The following NAA11 variants were observed in gnomAD, a reference collection of about 807,000 sequenced individuals.
The protein encoded by NAA11 is N-alpha-acetyltransferase 11.
Under a neutral mutation model 16.1 loss-of-function variants are expected in NAA11, and 15 were observed. The ratio of observed to expected loss-of-function variants is 0.93; its 90% CI spans 0.62 to 1.44. NAA11 has a LOEUF of 1.44. Ranked by LOEUF, NAA11 falls within the 40% of genes most tolerant of loss-of-function variation. The pLI, the probability that NAA11 is intolerant of heterozygous loss-of-function variation, is 0.00. For missense variants in NAA11, 298 were observed against 291.3 expected, an observed-to-expected ratio of 1.02 and a Z score of -0.17; for synonymous variants, 122 against 112.4, an observed-to-expected ratio of 1.09 and a Z score of -0.54.
At chr4:79,287,600 C>G (rs2109990237) in intron 2 of NAA11, among the ~76,000 whole-genome samples, 1 of 152,026 alleles carries the variant, frequency 6.6e-6, no homozygotes, top group African/African-American at 2.4e-5. Context: ...CTGCTTAACA[C>G]AGCTCTTGAA....
chr4:79,280,928 G>A (rs1018965095), intron 2 of NAA11, among the ~76,000 whole-genome samples: 6 of 152,014 alleles, frequency 3.9e-5, no homozygotes, highest in African/African-American at 1.4e-4. Context: ...GGGAAGTCTT[G>A]GAAGTTTCTG....
intron 2 of NAA11, among the ~76,000 whole-genome samples, chr4:79,256,651 A>ATATATAT (rs1722113513): frequency 7.6e-6 from 1 of 130,738 alleles, no homozygotes; most frequent in African/African-American, 3.1e-5. Context: ...TATAAATATA[A>ATATATAT]ATATATATAT....
At chr4:79,299,232 A>G (rs374115756) in intron 1 of NAA11, 1 of 152,220 alleles carries the variant, frequency 6.6e-6, no homozygotes, top group African/African-American at 2.4e-5. Context: ...TATTTTACCA[A>G]TAAGAAAACC....
chr4:79,308,864 T>C (rs1339125611), intron 1 of NAA11: 3 of 152,178 alleles, frequency 2.0e-5, no homozygotes, highest in Non-Finnish European at 2.9e-5. Flanking sequence ...CTGAGTTTTT[T>C]TTTAAGTGCT....
the NAA11 span, among the ~76,000 whole-genome samples, chr4:79,169,472 C>A: frequency 6.6e-6 from 1 of 152,152 alleles, no homozygotes; most frequent in Admixed American, 6.5e-5. Flanking sequence ...ACCATCTGAT[C>A]TTTGACAAAC....
the NAA11 span, among the ~76,000 whole-genome samples, chr4:79,205,111 T>C: frequency 6.6e-6 from 1 of 152,058 alleles, no homozygotes; most frequent in East Asian, 1.9e-4. Context: ...AATTGTGAAA[T>C]GTGCTGCAAT....
chr4:79,281,602 A>G (rs1315907121), intron 2 of NAA11, among the ~76,000 whole-genome samples: 1 of 152,126 alleles, frequency 6.6e-6, no homozygotes, highest in Non-Finnish European at 1.5e-5. Flanking sequence ...AATATCAGGT[A>G]ACAATAAGTG....
chr4:79,261,662 G>A (rs1392462848), intron 2 of NAA11, among the ~76,000 whole-genome samples: 3 of 152,134 alleles, frequency 2.0e-5, no homozygotes, highest in Non-Finnish European at 4.4e-5. Context: ...AGACCATGAG[G>A]TTTAAGCTAG....
intron 2 of NAA11, among the ~76,000 whole-genome samples, chr4:79,233,957 C>G (rs970789540): frequency 6.6e-6 from 1 of 151,990 alleles, no homozygotes; most frequent in Non-Finnish European, 1.5e-5. Context: ...GGGACTGTCA[C>G]TTGGGGAATC....
chr4:79,236,627 A>T (rs1470620587), intron 2 of NAA11, among the ~76,000 whole-genome samples: 4 of 152,196 alleles, frequency 2.6e-5, no homozygotes, highest in Non-Finnish European at 5.9e-5. Context: ...TAATTATATC[A>T]TTGCTGATAC....
chr4:79,314,542 T>C (rs552515412), downstream of NAA11, among the ~76,000 whole-genome samples: 33 of 150,262 alleles, frequency 2.2e-4, no homozygotes, highest in Admixed American at 4.7e-4. Context: ...GCATATGAAC[T>C]ATACTTTGAG....
chr4:79,295,849 ACTT>A (rs1578183996), intron 1 of NAA11, among the ~76,000 whole-genome samples: 2 of 152,288 alleles, frequency 1.3e-5, no homozygotes, highest in Non-Finnish European at 2.9e-5. Flanking sequence ...ATAACCATGA[ACTT>A]CTTATTTATT....
chr4:79,200,665 C>T, the NAA11 span, among the ~76,000 whole-genome samples: 3 of 151,722 alleles, frequency 2.0e-5, no homozygotes, highest in African/African-American at 7.3e-5. Flanking sequence ...GACCCTGTGG[C>T]TGGAAATGAC....
At chr4:79,323,879 T>C (rs2110019234) in intron 1 of NAA11, among the ~76,000 whole-genome samples, 1 of 151,992 alleles carries the variant, frequency 6.6e-6, no homozygotes, top group Admixed American at 6.5e-5. Context: ...GGCGGGCGCC[T>C]GTAGTCCCAG....
chr4:79,314,144 G>A (rs114947430), downstream of NAA11, among the ~76,000 whole-genome samples: 1,343 of 152,196 alleles, frequency 8.8e-3, 22 homozygotes, highest in African/African-American at 0.031. Context: ...AATGTGTGTC[G>A]AATGTTCACA....
At chr4:79,268,682 G>A (rs1001957841) in intron 2 of NAA11, among the ~76,000 whole-genome samples, 1 of 148,282 alleles carries the variant, frequency 6.7e-6, no homozygotes, top group African/African-American at 2.5e-5. Context: ...ACTATATTCA[G>A]GAGTAATTAA....
chr4:79,238,350 C>A (rs1721616606), intron 2 of NAA11, among the ~76,000 whole-genome samples: 1 of 152,134 alleles, frequency 6.6e-6, no homozygotes, highest in African/African-American at 2.4e-5. Flanking sequence ...CCCACTGAAC[C>A]ACTGTTGAGA....
At chr4:79,172,711 A>C in the NAA11 span, among the ~76,000 whole-genome samples, 2 of 152,126 alleles carry the variant, frequency 1.3e-5, no homozygotes, top group Admixed American at 1.3e-4. Context: ...GCTCTTCTCT[A>C]GATTTAGAAG....
chr4:79,196,472 T>C, the NAA11 span, among the ~76,000 whole-genome samples: 1 of 152,042 alleles, frequency 6.6e-6, no homozygotes, highest in Non-Finnish European at 1.5e-5. Context: ...GAAAGGGCCC[T>C]AGAGATCAGC....
Sources: allele counts gnomAD v4.1 joint callset (sites outside exome capture counted in the v4.1 genomes callset), GRCh38; gene constraint gnomAD v4.1.1; transcripts MANE v1.5; gene names NCBI Gene and HGNC (gene_info 2026-07-23, HGNC 2026-07-21).